ZFP91: variants seen among roughly 807,000 people sequenced by gnomAD.
The protein encoded by ZFP91 is ZFP91 zinc finger protein, atypical E3 ubiquitin ligase.
A neutral mutation model predicts 63.5 loss-of-function variants in ZFP91; 7 were observed. The observed-to-expected ratio is 0.11, with a 90% CI of 0.06 to 0.21. The LOEUF (loss-of-function observed/expected upper bound fraction) is 0.21. Among genes scored for constraint, ZFP91 ranks in the 10% least tolerant of loss-of-function variants. The pLI, the probability that ZFP91 is intolerant of heterozygous loss-of-function variation, is 1.00. For missense variants in ZFP91, 628 were observed against 736.6 expected (o/e 0.85, Z 1.71); for synonymous variants, 330 against 272.1 (o/e 1.21, Z -2.10).
At chr11:58,598,836 G>A (rs1171876636) in intron 2 of ZFP91, among the ~76,000 whole-genome samples, 1 of 151,184 alleles carries the variant, frequency 6.6e-6, no homozygotes, top group Non-Finnish European at 1.5e-5. Context: ...ATACTTGAAA[G>A]CATACAATTC....
chr11:58,612,206 T>A (rs1855676732), intron 6 of ZFP91, 72 bp from the exon 7 acceptor site: 6 of 1,461,028 alleles, frequency 4.1e-6, no homozygotes, highest in Non-Finnish European at 5.7e-6. Context: ...TGTGTGTGTG[T>A]GTCTTCAGCC....
At chr11:58,599,600 C>T (rs916926322) in intron 2 of ZFP91, among the ~76,000 whole-genome samples, 2 of 151,896 alleles carry the variant, frequency 1.3e-5, no homozygotes, top group African/African-American at 2.4e-5. Flanking sequence ...ACTGATGTTC[C>T]GTATCTTTTC....
chr11:58,604,943 A>G (rs1855547913), intron 2 of ZFP91, among the ~76,000 whole-genome samples: 1 of 152,188 alleles, frequency 6.6e-6, no homozygotes, highest in Non-Finnish European at 1.5e-5. Flanking sequence ...CACTATATGT[A>G]TGTGTAAACT....
Position 58,618,574 on chromosome 11 carries a change from T to TG in ZFP91, c.*869dup. Reference sequence around the variant, plus strand: ...ATTCCTTATTTATTAACAGGAAGTCTGATTTTTTTTTTTTGGAGTCTTTGT... The same window carrying TG: ...ATTCCTTATTTATTAACAGGAAGTCTGGATTTTTTTTTTTTGGAGTCTTTGT... On this transcript the variant is annotated 3_prime_UTR_variant, in exon 11 of 11. Coordinates refer to ENST00000316059, the MANE Select transcript of ZFP91 (RefSeq NM_053023.5). The TG allele has an allele frequency of 2.5e-6, 1 of 402,812 alleles. No homozygotes were observed. The highest frequency in any genetic ancestry group is 1.8e-5 in the South Asian group (1 of 56,118). The allele number at this position is 402,812 out of a possible 1,614,324, so 25.0% of individuals were successfully genotyped here.
At chr11:58,589,991 C>A (rs747370157) in intron 2 of ZFP91, among the ~76,000 whole-genome samples, 3 of 152,190 alleles carry the variant, frequency 2.0e-5, no homozygotes, top group African/African-American at 4.8e-5. Context: ...ATCTTCGACA[C>A]AGTTATAAGT....
chr11:58,588,221 T>A (rs918817113), intron 2 of ZFP91, among the ~76,000 whole-genome samples: 1 of 152,202 alleles, frequency 6.6e-6, no homozygotes, highest in Non-Finnish European at 1.5e-5. Flanking sequence ...GTTGCTCTTA[T>A]GAAATAGTGA....
At chr11:58,586,604 GGTAGCTGTTCAACTCTATGAACA>G (rs1855214030) in intron 2 of ZFP91, among the ~76,000 whole-genome samples, 1 of 152,094 alleles carries the variant, frequency 6.6e-6, no homozygotes, top group Non-Finnish European at 1.5e-5. Flanking sequence ...TACCCATTAA[GGTAGCTGTTCAACTCTATGAACA>G]GTAGATAGGT....
rs765786965 is a variant in ZFP91, at chr11:58,579,586, C to G, written c.305C>G (p.Pro102Arg). The change falls in exon 1 of 11, where the codon CCG becomes CGG. Residue 102 changes from proline (P) to arginine (R), a missense_variant. Coordinates refer to ENST00000316059, the MANE Select transcript of ZFP91 (RefSeq NM_053023.5). Reference protein sequence around the residue: ...PGQQPQAAKSPSPVQGKKSPR... With the variant: ...PGQQPQAAKSRSPVQGKKSPR... The stretch of plus-strand genomic sequence containing the variant: ...CAGCAGCCCCAGGCCGCGAAGTCCC[C>G]GTCTCCAGTTCAGGGCAAGAAGAGT... The G allele has an allele frequency of 1.3e-6, 2 of 1,582,200 alleles. No homozygotes were observed. The highest frequency in any genetic ancestry group is 1.7e-6 in the Non-Finnish European group (2 of 1,167,482).
intron 2 of ZFP91, among the ~76,000 whole-genome samples, chr11:58,596,366 T>A (rs1390605760): frequency 6.6e-6 from 1 of 152,170 alleles, no homozygotes; most frequent in African/African-American, 2.4e-5. Context: ...CCTGACTTCT[T>A]TTTTGCTTTT....
chr11:58,617,666 C>G lies in ZFP91; in HGVS notation c.1673C>G (p.Thr558Arg). 1 of 1,530,292 alleles carries G rather than the reference C, an allele frequency of 6.5e-7. No individual in the cohort carries two copies. Among genetic ancestry groups the G allele is most frequent in the Non-Finnish European group, 8.8e-7 (1 of 1,140,232 alleles). The allele number at this position is 1,530,292 out of a possible 1,614,324, so 94.8% of individuals were successfully genotyped here. ...VMNSDILGAT[T>R]EVLIEDSDSA... is the part of the protein sequence containing the mutation. ...AACTCAGATATACTCGGTGCTACCA[C>G]AGAGGTTCTGATTGAAGATTCAGAC... Residue 558 changes from threonine to arginine, a missense_variant, in exon 11 of 11, where the codon ACA becomes AGA. Physicochemically the swap from Thr to Arg is moderately conservative, Grantham distance 71 (BLOSUM62 -1). Transcript: ENST00000316059. The surrounding 1 kb of genome is among the most constrained non-coding windows in gnomAD (Gnocchi z 4.2).
In ZFP91 at chr11:58,618,813, A is replaced by G; in HGVS notation, c.*1107A>G. On this transcript the variant is annotated 3_prime_UTR_variant, in exon 11 of 11. Coordinates refer to ENST00000316059, the MANE Select transcript of ZFP91 (RefSeq NM_053023.5). ...GCTTTTTTGGAAGCCTTTTTAGGGA[A>G]GAATGTTAGGTTCATGGTAACTAGT... The G allele has an allele frequency of 2.4e-6, 1 of 421,396 alleles. No homozygotes were observed. The allele number at this position is 421,396 out of a possible 1,614,324, so 26.1% of individuals were successfully genotyped here. A position where few individuals can be genotyped will look rare whatever the true frequency, so the allele number is the denominator to read the frequency against.
Position 58,611,022 on chromosome 11 carries a change from A to G in ZFP91, c.690A>G (p.Pro230=), listed in dbSNP as rs1855652624. 1 of 1,613,442 alleles carries G rather than the reference A, an allele frequency of 6.2e-7. No individual in the cohort carries two copies. The highest frequency in any genetic ancestry group is 8.5e-7 in the Non-Finnish European group (1 of 1,179,720). The change falls in exon 5 of 11, where the codon CCA becomes CCG. Residue 230 remains proline, a synonymous_variant. Transcript: ENST00000316059. ...AGGAGATACCATTCAAAGATGATCCAAGAGATGAGACCTACAAACCCCACT... is the reference window on the plus strand; with the variant it reads ...AGGAGATACCATTCAAAGATGATCCGAGAGATGAGACCTACAAACCCCACT... ...SEEEIPFKDD[P]RDETYKPHLE...
Position 58,610,352 on chromosome 11 carries a change from A to G in ZFP91, c.617+18A>G, listed in dbSNP as rs960654592. ...GGCATTAGGTAAAAAAAACATTAAT[A>G]TTTCATTTTTAAACCTTTGGGGACA... is the stretch of plus-strand genomic sequence containing the variant. On this transcript the variant is annotated intron_variant, in intron 4 of 10. Transcript: ENST00000316059. The G allele has an allele frequency of 3.2e-6, 5 of 1,578,898 alleles. No homozygotes were observed. The highest frequency in any genetic ancestry group is 4.3e-6 in the Non-Finnish European group (5 of 1,168,130).
chr11:58,589,847 C>A (rs1855275028), intron 2 of ZFP91, among the ~76,000 whole-genome samples: 1 of 152,142 alleles, frequency 6.6e-6, no homozygotes, highest in Non-Finnish European at 1.5e-5. Flanking sequence ...AGATATATGT[C>A]ACTTATAATA....
intron 1 of ZFP91, among the ~76,000 whole-genome samples, chr11:58,580,648 T>C (rs950524921): frequency 3.9e-5 from 6 of 152,226 alleles, no homozygotes; most frequent in Non-Finnish European, 8.8e-5. Flanking sequence ...GATTTAAAAC[T>C]TGAAACAGAC....
In ZFP91 at chr11:58,579,359, G is replaced by C; in HGVS notation, c.78G>C (p.Pro26=). ...QEGGEAAKAA[P]EEPQQRPPEA... ...GGGGAGAGGCGGCCAAGGCGGCTCCGGAGGAGCCCCAACAACGGCCCCCTG... is the reference window on the plus strand; with the variant it reads ...GGGGAGAGGCGGCCAAGGCGGCTCCCGAGGAGCCCCAACAACGGCCCCCTG... Residue 26 remains proline, a synonymous_variant, in exon 1 of 11, where the codon CCG becomes CCC. Transcript: ENST00000316059. 4 of 1,493,446 alleles carry C rather than the reference G, an allele frequency of 2.7e-6. No individual in the cohort carries two copies. The highest frequency in any genetic ancestry group is 2.7e-6 in the Non-Finnish European group (3 of 1,126,228). 92.5% of individuals were successfully genotyped at this position (1,493,446 alleles called of 1,614,324 possible).
chr11:58,606,193 C>G (rs1430876443), intron 2 of ZFP91, among the ~76,000 whole-genome samples: 1 of 152,084 alleles, frequency 6.6e-6, no homozygotes, highest in Non-Finnish European at 1.5e-5. Context: ...TCCCAAGTAG[C>G]TGAGAATACA....
intron 2 of ZFP91, among the ~76,000 whole-genome samples, chr11:58,608,353 CTAG>C (rs1855602423): frequency 6.6e-6 from 1 of 151,572 alleles, no homozygotes; most frequent in African/African-American, 2.4e-5. Context: ...GGATAAATTT[CTAG>C]TAGTTGAACA....
At chr11:58,610,144 G>C (rs757718678) in intron 3 of ZFP91, 105 bp downstream of exon 3, 3 of 1,447,558 alleles carry the variant, frequency 2.1e-6, no homozygotes, top group Admixed American at 3.6e-5. Context: ...GGGCAGGTTT[G>C]ATGGTGTAGG....
Sources: allele counts gnomAD v4.1 joint callset (sites outside exome capture counted in the v4.1 genomes callset), GRCh38; gene constraint gnomAD v4.1.1; non-coding constraint Gnocchi (gnomAD v3.1); transcripts MANE v1.5; gene names NCBI Gene and HGNC (gene_info 2026-07-23, HGNC 2026-07-21).